TAFA1: variants seen among roughly 807,000 people sequenced by gnomAD.
TAFA1 encodes the protein chemokine-like protein TAFA-1.
A neutral mutation model predicts 18.5 loss-of-function variants in TAFA1; 4 were observed. The observed-to-expected ratio is 0.22, with a 90% CI of 0.11 to 0.49. TAFA1 has a LOEUF of 0.49. Among genes scored for constraint, TAFA1 ranks in the 20% least tolerant of loss-of-function variants. The pLI, the probability that TAFA1 is intolerant of heterozygous loss-of-function variation, is 0.98. For missense variants in TAFA1, 147 were observed against 169.0 expected (o/e 0.87, Z 0.72); for synonymous variants, 56 against 55.2 (o/e 1.01, Z -0.06).
chr3:68,307,105 T>G (rs1172488664), intron 2 of TAFA1, among the ~76,000 whole-genome samples: 1 of 152,178 alleles, frequency 6.6e-6, no homozygotes, highest in Non-Finnish European at 1.5e-5. Context: ...GGATAATGTA[T>G]GTTAAGAATT....
chr3:68,341,043 A>G (rs998665188), intron 2 of TAFA1, among the ~76,000 whole-genome samples: 1 of 152,140 alleles, frequency 6.6e-6, no homozygotes, highest in African/African-American at 2.4e-5. Flanking sequence ...TTTCCAGAAT[A>G]AGAGAATAAC....
rs541565859 is a variant in TAFA1, at chr3:68,421,427, C to A, written c.259+4007C>A. Among the ~76,000 whole-genome samples, 55 of 152,194 alleles carry A rather than the reference C, an allele frequency of 3.6e-4. 1 individual carries two copies. The South Asian group carries it at 8.1e-3, about 22-fold the overall frequency. On this transcript the variant is annotated intron_variant, in intron 3 of 4. Transcript: ENST00000478136. ...TCAAAATTGTTTTGGTGGCCTAGAT[C>A]TCTAAATGAAAATTAAATATAAAGT... is the stretch of plus-strand genomic sequence containing the variant.
At chr3:68,491,213 C>A (rs2072446530) in intron 3 of TAFA1, among the ~76,000 whole-genome samples, 1 of 152,130 alleles carries the variant, frequency 6.6e-6, no homozygotes, top group African/African-American at 2.4e-5. Context: ...GATTATAAAA[C>A]ATGCTGCTGT....
chr3:68,245,519 A>G (rs1333564828), intron 2 of TAFA1, among the ~76,000 whole-genome samples: 2 of 152,214 alleles, frequency 1.3e-5, no homozygotes. Flanking sequence ...TTGCATAGAT[A>G]TGGATACTAA....
chr3:68,150,639 A>G (rs1017206376), intron 2 of TAFA1, among the ~76,000 whole-genome samples: 4 of 152,110 alleles, frequency 2.6e-5, no homozygotes, highest in African/African-American at 7.2e-5. Context: ...GTGTTGCAAG[A>G]TGGTACTGGC....
chr3:68,219,143 G>A (rs186923514), intron 2 of TAFA1, among the ~76,000 whole-genome samples: 2 of 151,648 alleles, frequency 1.3e-5, no homozygotes, highest in Non-Finnish European at 2.9e-5. Context: ...TTTATCACTA[G>A]GGAAATATGG....
At chr3:68,403,656 G>T (rs772649791) in intron 2 of TAFA1, among the ~76,000 whole-genome samples, 3 of 152,150 alleles carry the variant, frequency 2.0e-5, no homozygotes, top group African/African-American at 4.8e-5. Context: ...ATCATTTGAG[G>T]TTGCATTTGT....
intron 3 of TAFA1, among the ~76,000 whole-genome samples, chr3:68,529,789 C>T (rs2073165168): frequency 6.6e-6 from 1 of 152,126 alleles, no homozygotes; most frequent in Admixed American, 6.5e-5. Context: ...ACTCACCCTC[C>T]CCTGTAGGGG....
Position 68,350,407 on chromosome 3 carries a change from C to T in TAFA1, c.119-66873C>T, listed in dbSNP as rs114254085. Among the ~76,000 whole-genome samples, 698 of 152,220 alleles carry T rather than the reference C, an allele frequency of 4.6e-3. 3 individuals carry two copies. Among genetic ancestry groups the T allele is most frequent in the African/African-American group, 0.015 (644 of 41,552 alleles). On this transcript the variant is annotated intron_variant, in intron 2 of 4. Coordinates refer to ENST00000478136, the MANE Select transcript of TAFA1 (RefSeq NM_213609.4). ...TAATAAATAACAGAACAGAGTTTCT[C>T]AAAGGCTGGTCCTTGGACTTTTTGC... is the stretch of plus-strand genomic sequence containing the variant.
At chr3:68,448,996 T>TA (rs1223378930) in intron 3 of TAFA1, among the ~76,000 whole-genome samples, 1 of 152,142 alleles carries the variant, frequency 6.6e-6, no homozygotes, top group Non-Finnish European at 1.5e-5. Flanking sequence ...TAGTGCTGTT[T>TA]AAAAAAACAC....
intron 2 of TAFA1, among the ~76,000 whole-genome samples, chr3:68,393,087 A>G (rs2070296330): frequency 6.6e-6 from 1 of 152,100 alleles, no homozygotes; most frequent in South Asian, 2.1e-4. Flanking sequence ...TGAAAATATT[A>G]ACAAAATAGA....
At chr3:68,139,407 C>T (rs902389245) in intron 2 of TAFA1, among the ~76,000 whole-genome samples, 1 of 152,082 alleles carries the variant, frequency 6.6e-6, no homozygotes, top group African/African-American at 2.4e-5. Flanking sequence ...TTGCTTTTCT[C>T]TGTATAATTT....
chr3:68,316,380 A>G (rs1206387238), intron 2 of TAFA1, among the ~76,000 whole-genome samples: 4 of 152,222 alleles, frequency 2.6e-5, no homozygotes, highest in Non-Finnish European at 4.4e-5. Flanking sequence ...CCTCAGGTAA[A>G]AAAAGGAAAT....
chr3:68,286,537 C>T (rs1015992626), intron 2 of TAFA1, among the ~76,000 whole-genome samples: 9 of 152,062 alleles, frequency 5.9e-5, no homozygotes, highest in Admixed American at 3.3e-4. Context: ...GAACTAGAGA[C>T]CCCGGAGGAT....
intron 3 of TAFA1, among the ~76,000 whole-genome samples, chr3:68,448,840 A>T (rs1446115300): frequency 1.3e-5 from 2 of 152,216 alleles, no homozygotes; most frequent in Non-Finnish European, 2.9e-5. Flanking sequence ...TATTAGACTG[A>T]TGTAGAGAAG....
At chr3:68,499,559 A>T (rs2072620962) in intron 3 of TAFA1, among the ~76,000 whole-genome samples, 1 of 151,208 alleles carries the variant, frequency 6.6e-6, no homozygotes, top group African/African-American at 2.4e-5. Context: ...AAGCTAAAAT[A>T]CACTTTATTT....
intron 2 of TAFA1, among the ~76,000 whole-genome samples, chr3:68,236,625 G>T (rs1321929848): frequency 1.3e-5 from 2 of 152,226 alleles, no homozygotes; most frequent in Non-Finnish European, 2.9e-5. Context: ...CTGTTAACCC[G>T]AATATTCCAA....
At chr3:68,265,116 T>A (rs2067518061) in intron 2 of TAFA1, among the ~76,000 whole-genome samples, 1 of 152,198 alleles carries the variant, frequency 6.6e-6, no homozygotes, top group Non-Finnish European at 1.5e-5. Flanking sequence ...TAATCCCAAT[T>A]TTTATTTTCA....
intron 2 of TAFA1, among the ~76,000 whole-genome samples, chr3:68,016,455 A>G (rs1704572065): frequency 6.6e-6 from 1 of 152,162 alleles, no homozygotes; most frequent in Admixed American, 6.5e-5. Flanking sequence ...AGATTATTTC[A>G]TCACTTAGGT....
Sources: gnomAD v4.1 joint callset for allele counts (sites outside exome capture counted in the v4.1 genomes callset) on GRCh38, gnomAD v4.1.1 for gene constraint, MANE v1.5 for transcripts, NCBI Gene and HGNC (gene_info 2026-07-23, HGNC 2026-07-21) for gene names.